The following RABGAP1L variants were observed in gnomAD, a reference collection of about 807,000 sequenced individuals.
The protein encoded by RABGAP1L is rab GTPase-activating protein 1-like.
RABGAP1L carries 63 observed loss-of-function variants against 137.7 expected under a neutral mutation model. The observed-to-expected ratio is 0.46, with a 90% CI of 0.37 to 0.56. The LOEUF is 0.56. Among genes scored for constraint, RABGAP1L ranks in the 20% least tolerant of loss-of-function variants. RABGAP1L has a pLI of 0.00. For synonymous variants in RABGAP1L, 431 were observed against 433.7 expected, an observed-to-expected ratio of 0.99 and a Z score of 0.08; for missense variants, 1,095 against 1,244.0, an observed-to-expected ratio of 0.88 and a Z score of 1.80.
chr1:174,421,006 A>G (rs1236910119), intron 13 of RABGAP1L, among the ~76,000 whole-genome samples: 2 of 152,088 alleles, frequency 1.3e-5, no homozygotes, highest in Non-Finnish European at 2.9e-5. Context: ...TGAAGCTTAT[A>G]TAATTTGGAG....
intron 18 of RABGAP1L, among the ~76,000 whole-genome samples, chr1:174,810,825 C>G (rs938258057): frequency 6.6e-6 from 1 of 151,916 alleles, no homozygotes; most frequent in African/African-American, 2.4e-5. Context: ...CTTCAGGTTA[C>G]AGTGACCCAT....
intron 17 of RABGAP1L, among the ~76,000 whole-genome samples, chr1:174,734,036 A>G (rs894887268): frequency 1.3e-5 from 2 of 152,230 alleles, no homozygotes; most frequent in African/African-American, 2.4e-5. Flanking sequence ...GGATAATTCT[A>G]TGATTTTTTG....
intron 1 of RABGAP1L, among the ~76,000 whole-genome samples, chr1:174,208,428 T>A (rs1319528849): frequency 1.3e-5 from 2 of 152,200 alleles, no homozygotes; most frequent in Non-Finnish European, 2.9e-5. Flanking sequence ...TGATGTTTTG[T>A]AAATTTATTT....
chr1:174,605,896 A>G (rs982509466), intron 13 of RABGAP1L, among the ~76,000 whole-genome samples: 1 of 152,206 alleles, frequency 6.6e-6, no homozygotes, highest in Non-Finnish European at 1.5e-5. Context: ...CATTGTCCTC[A>G]TAAACTTTTC....
intron 14 of RABGAP1L, among the ~76,000 whole-genome samples, chr1:174,678,681 G>A (rs962010816): frequency 1.3e-5 from 2 of 152,202 alleles, no homozygotes; most frequent in Non-Finnish European, 2.9e-5. Context: ...ATGGTGGCAA[G>A]CCTCTTGTTC....
chr1:174,691,235 GA>G (rs1179882384), intron 15 of RABGAP1L, among the ~76,000 whole-genome samples: 2 of 152,158 alleles, frequency 1.3e-5, no homozygotes, highest in African/African-American at 4.8e-5. Flanking sequence ...TGTGAAGCAG[GA>G]AATTTAGTTT....
chr1:174,483,897 A>T (rs1356312421), intron 13 of RABGAP1L, among the ~76,000 whole-genome samples: 8 of 151,822 alleles, frequency 5.3e-5, no homozygotes, highest in African/African-American at 1.9e-4. Context: ...TGATATTCTG[A>T]TGTCCTTTCT....
At chr1:174,771,176 C>T (rs1686082950) in intron 18 of RABGAP1L, among the ~76,000 whole-genome samples, 2 of 152,270 alleles carry the variant, frequency 1.3e-5, no homozygotes, top group South Asian at 2.1e-4. Context: ...GCGCAGGATA[C>T]GATTCTGAGG....
At chr1:174,471,348 C>T (rs1296447775) in intron 13 of RABGAP1L, among the ~76,000 whole-genome samples, 1 of 152,158 alleles carries the variant, frequency 6.6e-6, no homozygotes, top group Non-Finnish European at 1.5e-5. Context: ...CAATGTTCAT[C>T]CCCTTCAACA....
chr1:174,559,028 A>G (rs1311080569), intron 13 of RABGAP1L, among the ~76,000 whole-genome samples: 2 of 152,190 alleles, frequency 1.3e-5, no homozygotes, highest in African/African-American at 4.8e-5. Flanking sequence ...GATTCTGCCA[A>G]AATGTCAAGA....
At chr1:174,618,917 A>G (rs1672170597) in intron 13 of RABGAP1L, among the ~76,000 whole-genome samples, 2 of 152,248 alleles carry the variant, frequency 1.3e-5, no homozygotes, top group South Asian at 2.1e-4. Context: ...ATGTATAACT[A>G]GAATAACCAA....
At chr1:174,233,181 C>T (rs1168134607) in intron 4 of RABGAP1L, among the ~76,000 whole-genome samples, 2 of 152,098 alleles carry the variant, frequency 1.3e-5, no homozygotes, top group African/African-American at 4.8e-5. Flanking sequence ...CCTTCTGTCT[C>T]CCTCCTCCCT....
intron 7 of RABGAP1L, among the ~76,000 whole-genome samples, chr1:174,253,261 G>C (rs931853736): frequency 3.9e-5 from 6 of 152,106 alleles, no homozygotes; most frequent in African/African-American, 1.4e-4. Context: ...ACAGGGAAAT[G>C]CGAATTATAG....
intron 19 of RABGAP1L, among the ~76,000 whole-genome samples, chr1:174,844,775 G>A (rs1480314384): frequency 1.8e-5 from 1 of 56,864 alleles, no homozygotes; most frequent in Non-Finnish European, 3.5e-5. Context: ...GTCATTGGTA[G>A]CTTGATGGGG....
intron 11 of RABGAP1L, among the ~76,000 whole-genome samples, chr1:174,330,278 A>C (rs1680916156): frequency 6.6e-6 from 1 of 152,204 alleles, no homozygotes; most frequent in Admixed American, 6.5e-5. Flanking sequence ...TGAAAAATCA[A>C]GAAAGAAATC....
intron 1 of RABGAP1L, among the ~76,000 whole-genome samples, chr1:174,217,645 T>A (rs1317191207): frequency 6.6e-6 from 1 of 151,854 alleles, no homozygotes; most frequent in Non-Finnish European, 1.5e-5. Context: ...ATATACAAAG[T>A]GAGAAAAAAA....
At chr1:174,976,957 C>T (rs901335718) in intron 22 of RABGAP1L, among the ~76,000 whole-genome samples, 3 of 152,236 alleles carry the variant, frequency 2.0e-5, no homozygotes, top group African/African-American at 7.2e-5. Context: ...AGAGTTTCAT[C>T]ACAAACAATT....
intron 4 of RABGAP1L, among the ~76,000 whole-genome samples, chr1:174,240,640 C>G (rs1671727835): frequency 6.6e-6 from 1 of 152,212 alleles, no homozygotes; most frequent in Non-Finnish European, 1.5e-5. Context: ...TTGAATTCAT[C>G]TTTGGAACCA....
At chr1:174,587,101 G>A (rs1401356251) in intron 13 of RABGAP1L, among the ~76,000 whole-genome samples, 1 of 151,288 alleles carries the variant, frequency 6.6e-6, no homozygotes, top group East Asian at 1.9e-4. Flanking sequence ...TGGCTGCATA[G>A]TATTCCATGG....
Sources: gnomAD v4.1 joint callset for allele counts (sites outside exome capture counted in the v4.1 genomes callset) on GRCh38, gnomAD v4.1.1 for gene constraint, MANE v1.5 for transcripts, NCBI Gene and HGNC (gene_info 2026-07-23, HGNC 2026-07-21) for gene names.